TAX1BP1: variants seen among roughly 807,000 people sequenced by gnomAD.
TAX1BP1 encodes the protein tax1-binding protein 1.
TAX1BP1 carries 62 observed loss-of-function variants against 97.7 expected under a neutral mutation model. The ratio of observed to expected loss-of-function variants is 0.63; its 90% confidence interval spans 0.52 to 0.78. The LOEUF is 0.78. Ranked by LOEUF, TAX1BP1 falls within the 30% of genes least tolerant of loss-of-function variation. TAX1BP1 has a pLI of 0.00. For missense variants in TAX1BP1, 867 were observed against 916.1 expected (o/e 0.95, Z 0.69); for synonymous variants, 340 against 304.2 (o/e 1.12, Z -1.23).
intron 10 of TAX1BP1, among the ~76,000 whole-genome samples, chr7:27,793,955 A>G (rs571591215): frequency 1.4e-4 from 22 of 152,350 alleles, no homozygotes; most frequent in African/African-American, 4.8e-4. Context: ...GTAGTAAAGT[A>G]GGAAGGCTTT....
At chr7:27,776,817 TTGTGC>T in intron 5 of TAX1BP1, among the ~76,000 whole-genome samples, 1 of 151,794 alleles carries the variant, frequency 6.6e-6, no homozygotes, top group African/African-American at 2.4e-5. Context: ...TTTTTTTCAC[TTGTGC>T]TTTTTTTTTA....
rs372591109 is a variant in TAX1BP1, at chr7:27,773,796, A to G, written c.612+3962A>G. 5.0e-4 allele frequency among the ~76,000 whole-genome samples: 76 copies of G among 152,182 alleles called. 1 individual carries two copies. The South Asian group carries it at 0.014, about 29-fold the overall frequency. On this transcript the variant is annotated intron_variant, in intron 5 of 16. Transcript: ENST00000396319. The stretch of plus-strand genomic sequence containing the variant: ...TACGTATTGGAAATTGAAAGAGTTA[A>G]AACTGAGGCTCAGAGAACCAGTGAT...
intron 1 of TAX1BP1, among the ~76,000 whole-genome samples, chr7:27,742,022 A>G (rs1424936951): frequency 1.3e-5 from 2 of 152,314 alleles, no homozygotes; most frequent in Middle Eastern, 6.8e-3. Flanking sequence ...TGCTGCCCAC[A>G]TGTCCCACCT....
intron 5 of TAX1BP1, among the ~76,000 whole-genome samples, chr7:27,774,123 A>G (rs1412958204): frequency 6.6e-6 from 1 of 152,118 alleles, no homozygotes; most frequent in Non-Finnish European, 1.5e-5. Context: ...ATCACCAGGT[A>G]TTTGGGAAGT....
At chr7:27,796,726 G>A (rs1248981685) in intron 12 of TAX1BP1, among the ~76,000 whole-genome samples, 4 of 151,970 alleles carry the variant, frequency 2.6e-5, no homozygotes, top group Non-Finnish European at 4.4e-5. Context: ...GCCAGGCTGT[G>A]GTGGAGCATG....
chr7:27,769,531 G>A (rs1274345344), intron 4 of TAX1BP1, 145 bp from the exon 5 acceptor site: 3 of 595,734 alleles, frequency 5.0e-6, no homozygotes, highest in African/African-American at 3.8e-5. Context: ...CTAAAAAAAG[G>A]CTGATTGATA....
chr7:27,805,762 G>A (rs941566068), intron 13 of TAX1BP1, among the ~76,000 whole-genome samples: 1 of 152,080 alleles, frequency 6.6e-6, no homozygotes. Context: ...CTTGAACCCG[G>A]GAGGCAGAGG....
chr7:27,748,533 C>A lies in TAX1BP1; in HGVS notation c.9C>A (p.Ser3=). The A allele has an allele frequency of 6.3e-7, 1 of 1,586,632 alleles. No homozygotes were observed. Among genetic ancestry groups the A allele is most frequent in the Non-Finnish European group, 8.6e-7 (1 of 1,164,486 alleles). Residue 3 remains serine (S), a synonymous_variant, in exon 2 of 17, where the codon TCC becomes TCA. Transcript: ENST00000396319. MT[S]FQEVPLQTSN... Reference sequence around the variant, plus strand: ...CTTGTTTCAGATTCACAATGACATCCTTTCAAGAAGTCCCATTGCAGACTT... The same window carrying A: ...CTTGTTTCAGATTCACAATGACATCATTTCAAGAAGTCCCATTGCAGACTT...
At chr7:27,804,684 A>C (rs1790267165) in intron 13 of TAX1BP1, among the ~76,000 whole-genome samples, 1 of 152,230 alleles carries the variant, frequency 6.6e-6, no homozygotes, top group Non-Finnish European at 1.5e-5. Context: ...TGAAAAAATA[A>C]TGTGGCAGAT....
At chr7:27,779,948 G>T (rs1789189639) in intron 5 of TAX1BP1, among the ~76,000 whole-genome samples, 1 of 152,206 alleles carries the variant, frequency 6.6e-6, no homozygotes, top group South Asian at 2.1e-4. Flanking sequence ...AGAGGTGGAA[G>T]TAATATATAT....
At chr7:27,774,403 G>T (rs1351789962) in intron 5 of TAX1BP1, among the ~76,000 whole-genome samples, 1 of 152,064 alleles carries the variant, frequency 6.6e-6, no homozygotes, top group Non-Finnish European at 1.5e-5. Context: ...GCAAAGTTGA[G>T]AACCTGAAAA....
chr7:27,793,842 C>A (rs1294490465), intron 10 of TAX1BP1, among the ~76,000 whole-genome samples: 1 of 152,106 alleles, frequency 6.6e-6, no homozygotes, highest in African/African-American at 2.4e-5. Context: ...TATTTAAAAC[C>A]TGAAATTGAA....
intron 2 of TAX1BP1, among the ~76,000 whole-genome samples, chr7:27,756,321 T>C (rs138691024): frequency 2.3e-3 from 351 of 152,234 alleles, no homozygotes; most frequent in Non-Finnish European, 4.0e-3. Flanking sequence ...AACATGCCCC[T>C]CTCTAAGTAA....
chr7:27,811,634 A>G (rs1333340044), intron 13 of TAX1BP1, among the ~76,000 whole-genome samples: 13 of 151,920 alleles, frequency 8.6e-5, no homozygotes, highest in East Asian at 5.8e-4. Flanking sequence ...ATGTAATAGA[A>G]TCTGTTCATT....
intron 8 of TAX1BP1, 99 bp from the exon 9 acceptor site, chr7:27,791,906 CT>C (rs1305363049): frequency 9.6e-7 from 1 of 1,036,600 alleles, no homozygotes; most frequent in African/African-American, 1.6e-5. Context: ...AAACCAATAT[CT>C]AAAATTTTGG....
chr7:27,774,071 A>G (rs779604409), intron 5 of TAX1BP1, among the ~76,000 whole-genome samples: 3 of 152,156 alleles, frequency 2.0e-5, no homozygotes, highest in Non-Finnish European at 4.4e-5. Flanking sequence ...AAATGTATTC[A>G]TACTGTTTTG....
At chr7:27,805,752 C>T (rs1306564086) in intron 13 of TAX1BP1, among the ~76,000 whole-genome samples, 1 of 151,988 alleles carries the variant, frequency 6.6e-6, no homozygotes, top group Non-Finnish European at 1.5e-5. Flanking sequence ...GAGAGAATTG[C>T]TTGAACCCGG....
chr7:27,816,027 A>G (rs904522627), intron 13 of TAX1BP1, among the ~76,000 whole-genome samples: 1 of 152,022 alleles, frequency 6.6e-6, no homozygotes, highest in Non-Finnish European at 1.5e-5. Flanking sequence ...CTCTGTCTCA[A>G]AAAAAAAGAC....
At chr7:27,792,683 C>T (rs1257454168) in intron 9 of TAX1BP1, among the ~76,000 whole-genome samples, 5 of 151,978 alleles carry the variant, frequency 3.3e-5, no homozygotes, top group Admixed American at 1.3e-4. Flanking sequence ...AAAAAGTGGC[C>T]GGGGACAGTT....
Sources: allele counts gnomAD v4.1 joint callset (sites outside exome capture counted in the v4.1 genomes callset), GRCh38; gene constraint gnomAD v4.1.1; transcripts MANE v1.5; gene names NCBI Gene and HGNC (gene_info 2026-07-23, HGNC 2026-07-21).